The following FCHO2 variants were observed in gnomAD, a reference collection of about 807,000 sequenced individuals.
FCHO2 encodes the protein FCH and mu domain containing endocytic adaptor 2.
In FCHO2, 43 loss-of-function variants were observed where a neutral mutation model predicts 114.1. That is an observed-to-expected ratio of 0.38 (90% CI 0.30 to 0.49). The LOEUF is 0.49. Ranked by LOEUF, FCHO2 falls within the 20% of genes least tolerant of loss-of-function variation. The pLI is 0.97. For synonymous variants in FCHO2, 293 were observed against 315.2 expected (o/e 0.93, Z 0.75); for missense variants, 807 against 950.4 (o/e 0.85, Z 1.98).
At chr5:72,964,803 CATA>C (rs981849254) in intron 1 of FCHO2, among the ~76,000 whole-genome samples, 12 of 152,150 alleles carry the variant, frequency 7.9e-5, no homozygotes, top group African/African-American at 2.9e-4. Flanking sequence ...TCTCCCCATC[CATA>C]ATTTCACTTT....
intron 2 of FCHO2, among the ~76,000 whole-genome samples, chr5:72,969,519 G>A (rs1405676364): frequency 6.6e-6 from 1 of 152,206 alleles, no homozygotes; most frequent in Admixed American, 6.5e-5. Flanking sequence ...ATTGGCAGGA[G>A]CAAAGGAAAG....
At chr5:73,065,974 T>C (rs377749559) in intron 18 of FCHO2, among the ~76,000 whole-genome samples, 42 of 152,032 alleles carry the variant, frequency 2.8e-4, no homozygotes, top group Non-Finnish European at 2.2e-4. Context: ...CTCCCACTTA[T>C]AAGTGAGAAC....
intron 2 of FCHO2, among the ~76,000 whole-genome samples, chr5:72,986,538 T>A (rs1753532111): frequency 6.6e-6 from 1 of 152,206 alleles, no homozygotes; most frequent in Non-Finnish European, 1.5e-5. Context: ...TCTTGATTCT[T>A]AACTGCCCCT....
chr5:73,051,492 C>A, intron 12 of FCHO2, 86 bp downstream of exon 12: 1 of 734,118 alleles, frequency 1.4e-6, no homozygotes. Flanking sequence ...AAAGCCTCTT[C>A]CAATTTTTTA....
intron 2 of FCHO2, among the ~76,000 whole-genome samples, chr5:72,988,705 C>T (rs1313952065): frequency 6.6e-6 from 1 of 152,150 alleles, no homozygotes; most frequent in Non-Finnish European, 1.5e-5. Context: ...GTGCAAATGA[C>T]TGTCATTAAT....
intron 2 of FCHO2, among the ~76,000 whole-genome samples, chr5:72,981,167 T>C (rs1477635606): frequency 2.0e-5 from 3 of 152,184 alleles, no homozygotes. Flanking sequence ...AGCATTTGCT[T>C]GTCTGTAAAG....
At chr5:73,034,723 T>C in intron 9 of FCHO2, 22 bp downstream of exon 9, 1 of 1,565,346 alleles carries the variant, frequency 6.4e-7, no homozygotes. Flanking sequence ...AGTTATAATA[T>C]GTTAATGCAC....
rs3054234 is a variant in FCHO2 at position 73,066,575 on chromosome 5, C to CTT, written c.1450-2057_1450-2056dup. Reference sequence around the variant, plus strand: ...CCAGCTGTACATTGGAGTGCCTTTTCTTTTTTTTTTTTTTTTTTTGCATGC... The same window carrying CTT: ...CCAGCTGTACATTGGAGTGCCTTTTCTTTTTTTTTTTTTTTTTTTTTGCATGC... On this transcript the variant is annotated intron_variant, in intron 18 of 25. Coordinates refer to ENST00000430046, the MANE Select transcript of FCHO2 (RefSeq NM_138782.3). Among the ~76,000 whole-genome samples the CTT allele has an allele frequency of 4.8e-3, 486 of 101,436 alleles. 6 individuals are homozygous for CTT. The highest frequency in any genetic ancestry group is 0.012 in the African/African-American group (349 of 28,110). The allele number at this position is 101,436 out of a possible 152,430, so 66.5% of individuals were successfully genotyped here. A position where few individuals can be genotyped will look rare whatever the true frequency, so the allele number is the denominator to read the frequency against.
intron 8 of FCHO2, among the ~76,000 whole-genome samples, chr5:73,024,566 G>A (rs1177702641): frequency 6.6e-6 from 1 of 152,028 alleles, no homozygotes; most frequent in African/African-American, 2.4e-5. Context: ...AGCCTCCCGA[G>A]TAGCTGGGAT....
intron 8 of FCHO2, among the ~76,000 whole-genome samples, chr5:73,018,302 A>C (rs1156780481): frequency 1.3e-5 from 2 of 152,142 alleles, no homozygotes; most frequent in Non-Finnish European, 2.9e-5. Flanking sequence ...TAGCTGCCTA[A>C]TTAATTTGCA....
intron 13 of FCHO2, chr5:73,052,884 T>C (rs1163519514): frequency 6.3e-6 from 1 of 157,674 alleles, no homozygotes; most frequent in Non-Finnish European, 1.4e-5. Flanking sequence ...AAATTATATA[T>C]TTGCATTTTT....
At chr5:72,956,908 G>A (rs201188481) in intron 1 of FCHO2, among the ~76,000 whole-genome samples, 1 of 141,482 alleles carries the variant, frequency 7.1e-6, no homozygotes, top group Non-Finnish European at 1.5e-5. Flanking sequence ...TTTTTTTTTT[G>A]TAATGGGAAG....
At chr5:73,006,174 G>C (rs1189840835) in intron 5 of FCHO2, among the ~76,000 whole-genome samples, 1 of 152,126 alleles carries the variant, frequency 6.6e-6, no homozygotes, top group Non-Finnish European at 1.5e-5. Context: ...TGCAATCTTA[G>C]TCTGGGATTT....
At chr5:72,979,378 C>CTTTT (rs60234739) in intron 2 of FCHO2, among the ~76,000 whole-genome samples, 825 of 49,848 alleles carry the variant, frequency 0.017, 119 homozygotes, top group East Asian at 0.023. Flanking sequence ...TTATCAATTT[C>CTTTT]TTTTTTTTTT....
intron 8 of FCHO2, among the ~76,000 whole-genome samples, chr5:73,018,067 T>C (rs1287087907): frequency 1.3e-5 from 2 of 152,160 alleles, no homozygotes; most frequent in Admixed American, 6.5e-5. Context: ...TAAGTAAAAA[T>C]AATTTAGTGC....
rs146387368 is a variant in FCHO2 at position 73,036,498 on chromosome 5, C to T, written c.842-645C>T. Among the ~76,000 whole-genome samples the T allele has an allele frequency of 5.7e-3, 865 of 152,070 alleles. 14 individuals are homozygous for T. The highest frequency in any genetic ancestry group is 0.02 in the African/African-American group (819 of 41,478). On this transcript the variant is annotated intron_variant, in intron 9 of 25. Coordinates refer to ENST00000430046, the MANE Select transcript of FCHO2 (RefSeq NM_138782.3). ...AAGCAATCCTCTCACCCCAGCCTCC[C>T]GAGTAGCTAGGACCACAGGCGCGCA...
chr5:73,044,965 G>A (rs1490513461), intron 11 of FCHO2, among the ~76,000 whole-genome samples: 1 of 152,222 alleles, frequency 6.6e-6, no homozygotes, highest in African/African-American at 2.4e-5. Flanking sequence ...TAATGGGTAC[G>A]TTTTTATTAA....
intron 1 of FCHO2, among the ~76,000 whole-genome samples, chr5:72,958,767 G>A (rs1199759175): frequency 6.6e-6 from 1 of 152,146 alleles, no homozygotes; most frequent in Non-Finnish European, 1.5e-5. Context: ...GTTTTAAAGA[G>A]CATTTAAAAA....
In FCHO2 at chr5:73,058,440, A is replaced by G. The variant is rs993326112; in HGVS notation, c.1261A>G (p.Thr421Ala). The G allele has an allele frequency of 1.9e-6, 3 of 1,555,870 alleles. No individual in the cohort carries two copies. The highest frequency in any genetic ancestry group is 1.4e-5 in the African/African-American group (1 of 73,170). The change falls in exon 17 of 26, where the codon ACC (threonine) becomes GCC (alanine). Residue 421 changes from threonine (T) to alanine (A), a missense_variant. Transcript: ENST00000430046. ...KPSAPPNEKG[T>A]SDLLAWDPLF... ...TTAAAAATATTATGGTAGAAAAGGA[A>G]CCAGTGATTTACTTGCTTGGGACCC...
Sources: gnomAD v4.1 joint callset for allele counts (sites outside exome capture counted in the v4.1 genomes callset) on GRCh38, gnomAD v4.1.1 for gene constraint, MANE v1.5 for transcripts, NCBI Gene and HGNC (gene_info 2026-07-23, HGNC 2026-07-21) for gene names.